CD200R1L: variants seen among roughly 807,000 people sequenced by gnomAD.
CD200R1L encodes the protein cell surface glycoprotein CD200 receptor 2.
In CD200R1L, 14 loss-of-function variants were observed where a neutral mutation model predicts 24.8. That is an observed-to-expected ratio of 0.56 (90% CI 0.37 to 0.88). The LOEUF is 0.88. CD200R1L is among the 40% of genes least tolerant of loss of function. CD200R1L has a pLI of 0.00. For synonymous variants in CD200R1L, 111 were observed against 109.2 expected (o/e 1.02, Z -0.11); for missense variants, 299 against 297.8 (o/e 1.00, Z -0.03).
chr3:112,824,032 G>A (rs552587108), intron 6 of CD200R1L, among the ~76,000 whole-genome samples: 3 of 152,280 alleles, frequency 2.0e-5, no homozygotes, highest in Non-Finnish European at 4.4e-5. Context: ...AGAAACAGTA[G>A]AGGAGATAAA....
chr3:112,827,421 T>C lies in CD200R1L; in HGVS notation c.313A>G (p.Ile105Val), dbSNP rs754345334. The C allele has an allele frequency of 3.7e-6, 6 of 1,614,212 alleles. No homozygotes were observed. In the South Asian group the frequency reaches 5.5e-5, roughly 15 times the overall value. The change falls in exon 5 of 8, where the codon ATA becomes GTA. Residue 105 changes from isoleucine (I) to valine (V), a missense_variant. By Grantham distance (29) the Ile-to-Val change is conservative. Coordinates refer to ENST00000488794, the MANE Select transcript of CD200R1L (RefSeq NM_001199215.3). ...DTTHDGYYRG[I>V]VVTPDGNFHR... ...AAATTCCCATCAGGTGTTACCACTATGCCTCTGTAATACCCGTCATGAGTG... is the reference window on the plus strand; with the variant it reads ...AAATTCCCATCAGGTGTTACCACTACGCCTCTGTAATACCCGTCATGAGTG...
Position 112,838,084 on chromosome 3 carries a change from G to C in CD200R1L, c.-86-74C>G, listed in dbSNP as rs1938999507. 1.0e-5 allele frequency: 5 copies of C among 486,224 alleles called. No homozygotes were observed. The South Asian group carries it at 1.0e-4, about 10-fold the overall frequency. 30.1% of individuals were successfully genotyped at this position (486,224 alleles called of 1,614,324 possible). On this transcript the variant is annotated intron_variant, in intron 2 of 7. Coordinates refer to ENST00000488794, the MANE Select transcript of CD200R1L (RefSeq NM_001199215.3). ...TTACTGAAATGGACTAGAATCCACT[G>C]ATTTCATATAAGATAATCACAGAAA...
chr3:112,833,881 G>A (rs759415587), intron 3 of CD200R1L, among the ~76,000 whole-genome samples: 1 of 152,206 alleles, frequency 6.6e-6, no homozygotes, highest in Non-Finnish European at 1.5e-5. Flanking sequence ...GAAAGACAGT[G>A]ATGATGAAAA....
chr3:112,830,498 G>GT (rs11391916), intron 3 of CD200R1L, among the ~76,000 whole-genome samples: 44,075 of 101,980 alleles, frequency 0.43, 10,598 homozygotes, highest in Middle Eastern at 0.49. Flanking sequence ...TGTCATTGCA[G>GT]TTTTTTTTTT....
intron 3 of CD200R1L, among the ~76,000 whole-genome samples, chr3:112,832,224 A>G (rs1178369524): frequency 6.6e-6 from 1 of 152,226 alleles, no homozygotes; most frequent in Non-Finnish European, 1.5e-5. Context: ...ATACCCAAGA[A>G]CACAAAGAAC....
chr3:112,835,035 C>A (rs989826056), intron 3 of CD200R1L, among the ~76,000 whole-genome samples: 1 of 152,234 alleles, frequency 6.6e-6, no homozygotes, highest in Admixed American at 6.5e-5. Context: ...TCTCTTCTCT[C>A]CTTGTCATCC....
chr3:112,841,024 A>G (rs1258543123), intron 2 of CD200R1L, among the ~76,000 whole-genome samples: 1 of 152,194 alleles, frequency 6.6e-6, no homozygotes, highest in Non-Finnish European at 1.5e-5. Flanking sequence ...TCCGGAATGT[A>G]TGTTAGTGAT....
intron 3 of CD200R1L, among the ~76,000 whole-genome samples, chr3:112,832,579 T>C (rs1938828449): frequency 6.6e-6 from 1 of 152,178 alleles, no homozygotes; most frequent in African/African-American, 2.4e-5. Context: ...CCCCATCATG[T>C]CTCTTACTTA....
chr3:112,836,410 A>G (rs561248423), intron 3 of CD200R1L, among the ~76,000 whole-genome samples: 1 of 152,290 alleles, frequency 6.6e-6, no homozygotes, highest in South Asian at 2.1e-4. Context: ...GACTGTTTTT[A>G]TATAATGGGA....
chr3:112,820,317 GTAAC>G, intron 6 of CD200R1L, among the ~76,000 whole-genome samples: 1 of 152,294 alleles, frequency 6.6e-6, no homozygotes, highest in East Asian at 1.9e-4. Flanking sequence ...CTAAGTTGAT[GTAAC>G]CTCTTTAGCA....
intron 6 of CD200R1L, among the ~76,000 whole-genome samples, chr3:112,823,676 A>T (rs1938595628): frequency 6.6e-6 from 1 of 152,210 alleles, no homozygotes; most frequent in Non-Finnish European, 1.5e-5. Flanking sequence ...CAGAGGAGGA[A>T]TAGCTAACCA....
rs140869336 is a variant in CD200R1L, at chr3:112,828,552, T to C, written c.49+767A>G. On this transcript the variant is annotated intron_variant, in intron 4 of 7. Transcript: ENST00000488794. ...GACATTGTCAAATATAGCCTTTGGATATTTTCCTTCCTTCCTGTTTAGTCA... is the reference window on the plus strand; with the variant it reads ...GACATTGTCAAATATAGCCTTTGGACATTTTCCTTCCTTCCTGTTTAGTCA... Among the ~76,000 whole-genome samples, 263 of 152,352 alleles carry C rather than the reference T, an allele frequency of 1.7e-3. 1 individual carries two copies. The highest frequency in any genetic ancestry group is 6.1e-3 in the African/African-American group (255 of 41,580).
At chr3:112,823,917 G>C (rs983786755) in intron 6 of CD200R1L, among the ~76,000 whole-genome samples, 1 of 66,380 alleles carries the variant, frequency 1.5e-5, no homozygotes, top group Admixed American at 1.9e-4. Flanking sequence ...ATAGTGAAGC[G>C]CAAGGCAGGT....
rs978345005 is a variant in CD200R1L, at chr3:112,845,867, T to C, written c.-275A>G. ...CAGGATTGCAAAACATATTTCTTCA[T>C]TATCTTGCTTATCTTTAATTTTTGC... On this transcript the variant is annotated 5_prime_UTR_variant, in exon 2 of 8. It removes an upstream start codon present in the reference 5' UTR. Coordinates refer to ENST00000488794, the MANE Select transcript of CD200R1L (RefSeq NM_001199215.3). 1 of 613,324 alleles carries C rather than the reference T, an allele frequency of 1.6e-6. No individual in the cohort carries two copies. Among genetic ancestry groups the C allele is most frequent in the South Asian group, 2.1e-5 (1 of 47,940 alleles). 38.0% of individuals were successfully genotyped at this position (613,324 alleles called of 1,614,324 possible). A position where few individuals can be genotyped will look rare whatever the true frequency, so the allele number is the denominator to read the frequency against.
intron 6 of CD200R1L, among the ~76,000 whole-genome samples, chr3:112,824,001 G>A (rs1938602465): frequency 6.6e-6 from 1 of 152,148 alleles, no homozygotes; most frequent in Admixed American, 6.5e-5. Context: ...TAGAAGAGTG[G>A]CATTTTAGAA....
At chr3:112,820,518 C>T (rs1299460140) in intron 6 of CD200R1L, among the ~76,000 whole-genome samples, 1 of 152,028 alleles carries the variant, frequency 6.6e-6, no homozygotes, top group Non-Finnish European at 1.5e-5. Flanking sequence ...GCAACCTCCA[C>T]CTCCTGGGTT....
chr3:112,819,941 A>AATTT, intron 6 of CD200R1L, 46 bp from the exon 7 acceptor site: 1 of 1,517,850 alleles, frequency 6.6e-7, no homozygotes, highest in Non-Finnish European at 8.8e-7. Flanking sequence ...GCATTCTTCT[A>AATTT]GTTACAAATT....
At chr3:112,831,828 C>T (rs76129962) in intron 3 of CD200R1L, among the ~76,000 whole-genome samples, 1 of 152,296 alleles carries the variant, frequency 6.6e-6, no homozygotes, top group Non-Finnish European at 1.5e-5. Context: ...ATTTCCATTG[C>T]CTCCACTTCT....
chr3:112,816,005 T>A (rs1483624577), intron 7 of CD200R1L, 30 bp from the exon 8 acceptor site: 1 of 779,562 alleles, frequency 1.3e-6, no homozygotes, highest in Non-Finnish European at 2.4e-6. Flanking sequence ...TTTGTATTTA[T>A]ATCTCATTTT....
Sources: allele counts gnomAD v4.1 joint callset (sites outside exome capture counted in the v4.1 genomes callset), GRCh38; gene constraint gnomAD v4.1.1; transcripts MANE v1.5; gene names NCBI Gene and HGNC (gene_info 2026-07-23, HGNC 2026-07-21).